Variants in UTS2R observed in about 807,000 individuals in gnomAD.
UTS2R encodes urotensin-2 receptor.
For synonymous variants in UTS2R, 335 were observed against 280.9 expected, an observed-to-expected ratio of 1.19 and a Z score of -1.93; for missense variants, 653 against 562.2, an observed-to-expected ratio of 1.16 and a Z score of -1.63.
intron 2 of UTS2R, 146 bp from the exon 3 acceptor site, chr17:82,374,095 CTT>C (rs944846330): frequency 1.9e-6 from 1 of 528,508 alleles, no homozygotes; most frequent in Admixed American, 3.4e-5. Context: ...TCTGGTGGCT[CTT>C]GAGTCCTCCT....
In UTS2R at chr17:82,376,781, C is replaced by A. The variant is rs2052499197; in HGVS notation, c.*1287C>A. On this transcript the variant is annotated 3_prime_UTR_variant, in exon 3 of 3. Coordinates refer to ENST00000313135, the MANE Select transcript of UTS2R (RefSeq NM_018949.3). ...AAACAAAAGGATCCCACTCCCCGAC[C>A]TTGTCCCTCTGTTAAAATTGAAAGA... 6.6e-6 allele frequency among the ~76,000 whole-genome samples: 1 copy of A among 152,260 alleles called. No homozygotes were observed. Among genetic ancestry groups the A allele is most frequent in the East Asian group, 1.9e-4 (1 of 5,192 alleles).
intron 2 of UTS2R, 123 bp from the exon 3 acceptor site, chr17:82,374,120 G>C (rs892685672): frequency 1.8e-6 from 1 of 562,790 alleles, no homozygotes; most frequent in Non-Finnish European, 3.1e-6. Context: ...AGAGCTGGTG[G>C]CTTCCAGAGA....
Position 82,375,147 on chromosome 17 carries a change from T to A in UTS2R, c.823T>A (p.Trp275Arg). 1 of 1,537,314 alleles carries A rather than the reference T, an allele frequency of 6.5e-7. No homozygotes were observed. Among genetic ancestry groups the A allele is most frequent in the South Asian group, 1.2e-5 (1 of 82,518 alleles). The change falls in exon 3 of 3, where the codon TGG becomes AGG. Residue 275 changes from tryptophan to arginine, a missense_variant. Trp to Arg is a moderately radical substitution (Grantham distance 101). Transcript: ENST00000313135. ...LLFWACFLPF[W>R]LWQLLAQYHQ... ...CTTCTGGGCCTGCTTCCTGCCCTTC[T>A]GGCTGTGGCAGCTGCTCGCCCAGTA...
chr17:82,375,303 C>A lies in UTS2R; in HGVS notation c.979C>A (p.Arg327Ser). The A allele has an allele frequency of 6.5e-7, 1 of 1,549,240 alleles. No individual in the cohort carries two copies. The highest frequency in any genetic ancestry group is 1.2e-5 in the South Asian group (1 of 83,742). The change falls in exon 3 of 3, where the codon CGC becomes AGC. Residue 327 changes from arginine to serine, a missense_variant. By Grantham distance (110) the Arg-to-Ser change is moderately radical. Coordinates refer to ENST00000313135, the MANE Select transcript of UTS2R (RefSeq NM_018949.3). ...LLTRNYRDHLRGRVRGPGSGG... is the reference protein window; with the variant it reads ...LLTRNYRDHLSGRVRGPGSGG... The stretch of plus-strand genomic sequence containing the variant: ...CACCAGGAACTACCGCGACCACCTG[C>A]GCGGCCGCGTGCGGGGCCCGGGCAG...
chr17:82,376,861 C>T lies in UTS2R; in HGVS notation c.*1367C>T, dbSNP rs894577178. ...GAGGTGGGGGGGTCAGCCCCCCGCC[C>T]GGCCAGCCACCCCGTCCGGGAGGTG... On this transcript the variant is annotated 3_prime_UTR_variant, in exon 3 of 3. Coordinates refer to ENST00000313135, the MANE Select transcript of UTS2R (RefSeq NM_018949.3). 2.0e-5 allele frequency among the ~76,000 whole-genome samples: 3 copies of T among 152,174 alleles called. No homozygotes were observed. The highest frequency in any genetic ancestry group is 4.4e-5 in the Non-Finnish European group (3 of 68,028).
Position 82,376,869 on chromosome 17 carries a change from C to CA in UTS2R, c.*1376dup, listed in dbSNP as rs2052500761. On this transcript the variant is annotated 3_prime_UTR_variant, in exon 3 of 3. Coordinates refer to ENST00000313135, the MANE Select transcript of UTS2R (RefSeq NM_018949.3). ...GGGGTCAGCCCCCCGCCCGGCCAGCCACCCCGTCCGGGAGGTGAGGGGCGC... is the reference window on the plus strand; with the variant it reads ...GGGGTCAGCCCCCCGCCCGGCCAGCCAACCCCGTCCGGGAGGTGAGGGGCGC... Among the ~76,000 whole-genome samples the CA allele has an allele frequency of 6.6e-6, 1 of 152,224 alleles. No homozygotes were observed. Among genetic ancestry groups the CA allele is most frequent in the Non-Finnish European group, 1.5e-5 (1 of 68,032 alleles).
chr17:82,372,394 TG>T (rs2052457812), intron 1 of UTS2R, among the ~76,000 whole-genome samples: 1 of 152,092 alleles, frequency 6.6e-6, no homozygotes, highest in Non-Finnish European at 1.5e-5. Flanking sequence ...GAGGGTCCCC[TG>T]GACAGATGGA....
At chr17:82,372,284 G>C (rs989898387) in intron 1 of UTS2R, among the ~76,000 whole-genome samples, 1 of 152,170 alleles carries the variant, frequency 6.6e-6, no homozygotes, top group Non-Finnish European at 1.5e-5. Context: ...CCCGTGACTC[G>C]GGCTCGCGCA....
rs1051325808 is a variant in UTS2R, at chr17:82,371,849, C to T, written c.-467C>T. Among the ~76,000 whole-genome samples, 1 of 151,174 alleles carries T rather than the reference C, an allele frequency of 6.6e-6. No homozygotes were observed. Among genetic ancestry groups the T allele is most frequent in the African/African-American group, 2.4e-5 (1 of 41,342 alleles). ...GGCGCGGCTTTGGTGGCGGGACTGG[C>T]GGGCGCCCCTGCCGTGTGCTCTGGA... On this transcript the variant is annotated 5_prime_UTR_variant, in exon 1 of 3. Coordinates refer to ENST00000313135, the MANE Select transcript of UTS2R (RefSeq NM_018949.3). The surrounding 1 kb of genome is among the most constrained non-coding windows in gnomAD (Gnocchi z 6.3).
In UTS2R at chr17:82,371,862, C is replaced by T. The variant is rs934851198; in HGVS notation, c.-454C>T. ...TGGCGGGACTGGCGGGCGCCCCTGC[C>T]GTGTGCTCTGGAAGCCGAGGCCACC... On this transcript the variant is annotated 5_prime_UTR_variant, in exon 1 of 3. Transcript: ENST00000313135. The surrounding 1 kb of genome is among the most constrained non-coding windows in gnomAD (Gnocchi z 6.3). Among the ~76,000 whole-genome samples the T allele has an allele frequency of 1.3e-5, 2 of 151,408 alleles. No homozygotes were observed. The highest frequency in any genetic ancestry group is 4.8e-5 in the African/African-American group (2 of 41,364).
rs947817008 is a variant in UTS2R at position 82,375,743 on chromosome 17, G to A, written c.*249G>A. ...GACCATGGCTTCGTCACAGAGGGCA[G>A]CAGGCGCCAGTGCCCGGCCCGTGTG... On this transcript the variant is annotated 3_prime_UTR_variant, in exon 3 of 3. Transcript: ENST00000313135. Among the ~76,000 whole-genome samples, 1 of 152,216 alleles carries A rather than the reference G, an allele frequency of 6.6e-6. No individual in the cohort carries two copies. The highest frequency in any genetic ancestry group is 6.5e-5 in the Admixed American group (1 of 15,288).
Position 82,374,390 on chromosome 17 carries a change from G to T in UTS2R, c.66G>T (p.Pro22=). ...PGLAATGSSV[P]EPPGGPNATL... is the part of the protein sequence containing the mutation. ...TGGCCGCCACTGGCAGCTCTGTGCC[G>T]GAGCCGCCTGGCGGCCCCAACGCAA... The change falls in exon 3 of 3, where the codon CCG becomes CCT. Residue 22 remains proline (P), a synonymous_variant. Transcript: ENST00000313135. The T allele has an allele frequency of 6.3e-7, 1 of 1,590,068 alleles. No homozygotes were observed. The highest frequency in any genetic ancestry group is 8.5e-7 in the Non-Finnish European group (1 of 1,174,386).
chr17:82,377,250 C>T lies in UTS2R; in HGVS notation c.*1756C>T, dbSNP rs2052503965. ...GCGGTGCAAGATGTGCTTTGTTAAA[C>T]AGATGCTTGAAGGCAGCACGCTCGT... On this transcript the variant is annotated 3_prime_UTR_variant, in exon 3 of 3. Coordinates refer to ENST00000313135, the MANE Select transcript of UTS2R (RefSeq NM_018949.3). 6.6e-6 allele frequency among the ~76,000 whole-genome samples: 1 copy of T among 152,162 alleles called. No individual in the cohort carries two copies. Among genetic ancestry groups the T allele is most frequent in the African/African-American group, 2.4e-5 (1 of 41,434 alleles).
chr17:82,373,569 A>AT (rs2052464459), intron 2 of UTS2R, among the ~76,000 whole-genome samples: 2 of 152,166 alleles, frequency 1.3e-5, no homozygotes, highest in Admixed American at 6.5e-5. Context: ...TATTGAAAGT[A>AT]TTTTTTGTTC....
In UTS2R at chr17:82,374,695, G is replaced by A. The variant is rs35598277; in HGVS notation, c.371G>A (p.Arg124His). 6 of 1,613,228 alleles carry A rather than the reference G, an allele frequency of 3.7e-6. No homozygotes were observed. The highest frequency in any genetic ancestry group is 1.1e-5 in the South Asian group (1 of 91,090). Reference protein sequence around the residue: ...KEWHFGDVGCRVLFGLDFLTM... With the variant: ...KEWHFGDVGCHVLFGLDFLTM... ...TGGCACTTCGGGGACGTGGGCTGCCGCGTGCTCTTCGGCCTGGACTTCCTG... is the reference window on the plus strand; with the variant it reads ...TGGCACTTCGGGGACGTGGGCTGCCACGTGCTCTTCGGCCTGGACTTCCTG... The change falls in exon 3 of 3, where the codon CGC becomes CAC. Residue 124 changes from arginine (R) to histidine (H), a missense_variant. Physicochemically the swap from Arg to His is conservative, Grantham distance 29. Coordinates refer to ENST00000313135, the MANE Select transcript of UTS2R (RefSeq NM_018949.3).
rs779897776 is a variant in UTS2R, at chr17:82,375,361, A to G, written c.1037A>G (p.Gln346Arg). 2 of 1,577,904 alleles carry G rather than the reference A, an allele frequency of 1.3e-6. No homozygotes were observed. The highest frequency in any genetic ancestry group is 2.3e-5 in the South Asian group (2 of 86,424). ...GGCCGGGGGCCCGTTCCCTCCCTGC[A>G]GCCCCGCGCCCGCTTCCAGCGCTGT... ...GGGRGPVPSL[Q>R]PRARFQRCSG... The change falls in exon 3 of 3, where the codon CAG (glutamine) becomes CGG (arginine). Residue 346 changes from glutamine (Q) to arginine (R), a missense_variant. Physicochemically the swap from Gln to Arg is conservative, Grantham distance 43 (BLOSUM62 1). Coordinates refer to ENST00000313135, the MANE Select transcript of UTS2R (RefSeq NM_018949.3).
rs75396158 is a variant in UTS2R, at chr17:82,374,421, A to T, written c.97A>T (p.Asn33Tyr). The part of the protein sequence containing the change: ...EPPGGPNATL[N>Y]SSWASPTEPS... ...GCCTGGCGGCCCCAACGCAACCCTC[A>T]ACAGCTCCTGGGCCAGCCCGACCGA... The change falls in exon 3 of 3, where the codon AAC (asparagine) becomes TAC (tyrosine). Residue 33 changes from asparagine to tyrosine, a missense_variant. Transcript: ENST00000313135. The T allele has an allele frequency of 1.9e-4, 308 of 1,598,534 alleles. No individual in the cohort carries two copies. The highest frequency in any genetic ancestry group is 2.5e-4 in the Non-Finnish European group (297 of 1,176,636).
Position 82,375,200 on chromosome 17 carries a change from GGC to G in UTS2R, c.881_882del (p.Arg294HisfsTer74), listed in dbSNP as rs1567857601. On this transcript the variant is annotated frameshift_variant, in exon 3 of 3. Transcript: ENST00000313135. LOFTEE classifies it low-confidence loss of function (END_TRUNC). ...YHQAPLAPRT[A>X]RIVNYLTTCL... ...ACCAGGCCCCGCTGGCGCCGCGGAC[GGC>G]GCGCATCGTCAACTACCTGACCACC... The G allele has an allele frequency of 6.4e-7, 1 of 1,565,456 alleles. No individual in the cohort carries two copies. Among genetic ancestry groups the G allele is most frequent in the Non-Finnish European group, 8.6e-7 (1 of 1,157,376 alleles).
rs1008555295 is a variant in UTS2R, at chr17:82,372,742, C to A, written c.-124C>A. The stretch of plus-strand genomic sequence containing the variant: ...GGAGTCAAGCTGCCGTGAACTTTCG[C>A]ACGCTTGTCATTTTCTGAACGTTGG... On this transcript the variant is annotated 5_prime_UTR_variant, in exon 2 of 3. Transcript: ENST00000313135. Among the ~76,000 whole-genome samples the A allele has an allele frequency of 2.6e-5, 4 of 152,232 alleles. No individual in the cohort carries two copies. The highest frequency in any genetic ancestry group is 6.5e-5 in the Admixed American group (1 of 15,280).
Sources: allele counts gnomAD v4.1 joint callset (sites outside exome capture counted in the v4.1 genomes callset), GRCh38; gene constraint gnomAD v4.1.1; non-coding constraint Gnocchi (gnomAD v3.1); transcripts MANE v1.5; gene names NCBI Gene and HGNC (gene_info 2026-07-23, HGNC 2026-07-21).